The following ANO10 variants were observed in gnomAD, a reference collection of about 807,000 sequenced individuals.
ANO10 encodes the protein anoctamin 10.
Under a neutral mutation model 74.7 loss-of-function variants are expected in ANO10, and 77 were observed. The ratio of observed to expected loss-of-function variants is 1.03; its 90% CI spans 0.86 to 1.25. The LOEUF (loss-of-function observed/expected upper bound fraction) is 1.25. ANO10 is among the 50% of genes most tolerant of loss of function. The pLI, the probability that ANO10 is intolerant of heterozygous loss-of-function variation, is 0.00. For synonymous variants in ANO10, 279 were observed against 284.9 expected, an observed-to-expected ratio of 0.98 and a Z score of 0.21; for missense variants, 721 against 778.1, an observed-to-expected ratio of 0.93 and a Z score of 0.87.
At chr3:43,451,110 A>AG (rs2074847535) in intron 11 of ANO10, among the ~76,000 whole-genome samples, 1 of 152,228 alleles carries the variant, frequency 6.6e-6, no homozygotes, top group Non-Finnish European at 1.5e-5. Flanking sequence ...ACATCCTTGC[A>AG]GGAACAGTTG....
At chr3:43,560,695 T>G (rs2079987940) in intron 9 of ANO10, among the ~76,000 whole-genome samples, 1 of 152,230 alleles carries the variant, frequency 6.6e-6, no homozygotes, top group Non-Finnish European at 1.5e-5. Flanking sequence ...TGTAAATCTC[T>G]AATGATCTGC....
chr3:43,555,211 T>G, intron 10 of ANO10, 67 bp downstream of exon 10: 1 of 1,531,376 alleles, frequency 6.5e-7, no homozygotes, highest in Non-Finnish European at 9.0e-7. Flanking sequence ...TTTTTAATTT[T>G]TTTTCCCTGT....
chr3:43,491,920 GT>G (rs1332559278), intron 11 of ANO10, among the ~76,000 whole-genome samples: 4 of 152,092 alleles, frequency 2.6e-5, no homozygotes, highest in African/African-American at 9.6e-5. Flanking sequence ...AAACATAAAG[GT>G]TGGAAGATGG....
At chr3:43,522,431 T>A (rs1248202807) in intron 11 of ANO10, among the ~76,000 whole-genome samples, 1 of 152,214 alleles carries the variant, frequency 6.6e-6, no homozygotes, top group Non-Finnish European at 1.5e-5. Flanking sequence ...ACCCTGTGAC[T>A]TTCATCATGT....
At chr3:43,529,515 C>T (rs558375229) in intron 11 of ANO10, among the ~76,000 whole-genome samples, 72 of 152,148 alleles carry the variant, frequency 4.7e-4, no homozygotes, top group Non-Finnish European at 8.8e-4. Flanking sequence ...GAACACGTTT[C>T]ATAGAACAAA....
chr3:43,576,674 TA>T lies in ANO10; in HGVS notation c.1162+17del. ...CTTACAGGCAAGTAAGACGTGAATA[TA>T]AAGCCTCAAGTCTTACCCCATGAAG... On this transcript the variant is annotated intron_variant, in intron 6 of 12. Transcript: ENST00000292246. 6.2e-7 allele frequency: 1 copy of T among 1,612,992 alleles called. No homozygotes were observed. Among genetic ancestry groups the T allele is most frequent in the East Asian group, 2.2e-5 (1 of 44,864 alleles).
At chr3:43,600,194 G>A (rs1258157631) in intron 3 of ANO10, among the ~76,000 whole-genome samples, 190 bp downstream of exon 3, 7 of 152,200 alleles carry the variant, frequency 4.6e-5, no homozygotes, top group African/African-American at 1.7e-4. Flanking sequence ...TTTACTTATG[G>A]TCTATGGCTG....
At chr3:43,514,129 C>T (rs1233416334) in intron 11 of ANO10, among the ~76,000 whole-genome samples, 3 of 151,546 alleles carry the variant, frequency 2.0e-5, no homozygotes, top group African/African-American at 4.8e-5. Context: ...CAATATGATA[C>T]ACTTTAATCA....
intron 11 of ANO10, among the ~76,000 whole-genome samples, chr3:43,479,174 C>G (rs1039818930): frequency 3.9e-5 from 6 of 152,134 alleles, no homozygotes; most frequent in African/African-American, 2.4e-5. Context: ...TTCCTTTTCA[C>G]TCGTGCTAAC....
At chr3:43,428,770 C>T (rs2092935229) in intron 12 of ANO10, among the ~76,000 whole-genome samples, 1 of 68,208 alleles carries the variant, frequency 1.5e-5, no homozygotes. Context: ...TCTGAAATAC[C>T]CCAAAATCCT....
At chr3:43,643,233 G>A (rs931848647) in intron 1 of ANO10, among the ~76,000 whole-genome samples, 2 of 151,648 alleles carry the variant, frequency 1.3e-5, no homozygotes, top group East Asian at 1.9e-4. Context: ...GGGTTTCACC[G>A]TGTTAGCCAG....
chr3:43,462,801 G>A (rs781703546), intron 11 of ANO10, among the ~76,000 whole-genome samples: 1 of 152,204 alleles, frequency 6.6e-6, no homozygotes, highest in Non-Finnish European at 1.5e-5. Flanking sequence ...GGGTACCCAT[G>A]CTGAGTGCAG....
In ANO10 at chr3:43,536,756, T is replaced by A. The variant is rs549126669; in HGVS notation, c.1797+12964A>T. Reference sequence around the variant, plus strand: ...AAATTTTAGATTAACTGGTTTTCGGTTGCCTTGTTCTTAATTTTGAAAAAG... The same window carrying A: ...AAATTTTAGATTAACTGGTTTTCGGATGCCTTGTTCTTAATTTTGAAAAAG... On this transcript the variant is annotated intron_variant, in intron 11 of 12. Transcript: ENST00000292246. Among the ~76,000 whole-genome samples the A allele has an allele frequency of 3.3e-5, 5 of 152,280 alleles. No homozygotes were observed. The South Asian group carries it at 1.0e-3, about 32-fold the overall frequency.
intron 1 of ANO10, among the ~76,000 whole-genome samples, chr3:43,615,506 T>C (rs1178409002): frequency 1.3e-5 from 2 of 152,176 alleles, no homozygotes; most frequent in African/African-American, 4.8e-5. Flanking sequence ...ATTTGATTTT[T>C]AATGAGTGGG....
chr3:43,632,317 A>C (rs2149559440), intron 1 of ANO10, among the ~76,000 whole-genome samples: 1 of 152,304 alleles, frequency 6.6e-6, no homozygotes, highest in South Asian at 2.1e-4. Flanking sequence ...TAATGGGAGC[A>C]CTGGCAGGAG....
At chr3:43,448,060 C>T (rs908807608) in intron 11 of ANO10, among the ~76,000 whole-genome samples, 1 of 152,034 alleles carries the variant, frequency 6.6e-6, no homozygotes, top group Admixed American at 6.6e-5. Context: ...GGGATAGTGC[C>T]CAGATAAGAA....
Position 43,600,249 on chromosome 3 carries a change from C to A in ANO10, c.337+135G>T, listed in dbSNP as rs190296660. The A allele has an allele frequency of 1.1e-4, 102 of 965,492 alleles. No individual in the cohort carries two copies. In the African/African-American group the frequency reaches 1.5e-3, roughly 14 times the overall value. The allele number at this position is 965,492 out of a possible 1,614,324, so 59.8% of individuals were successfully genotyped here. On this transcript the variant is annotated intron_variant, in intron 3 of 12. Coordinates refer to ENST00000292246, the MANE Select transcript of ANO10 (RefSeq NM_018075.5). ...CAGTGTTGAGTAATTGCAGCAGAGA[C>A]CACACGGACTGCAAAACCTAAAATA... is the stretch of plus-strand genomic sequence containing the variant.
upstream of ANO10, among the ~76,000 whole-genome samples, chr3:43,624,972 G>T (rs2127723): frequency 0.048 from 7,338 of 152,290 alleles, 198 homozygotes; most frequent in Non-Finnish European, 0.059. Context: ...ACCTATGACT[G>T]CATGTCAAAC....
At chr3:43,551,746 T>C (rs1330505466) in intron 10 of ANO10, among the ~76,000 whole-genome samples, 1 of 152,202 alleles carries the variant, frequency 6.6e-6, no homozygotes, top group Non-Finnish European at 1.5e-5. Flanking sequence ...ACTAATATAG[T>C]CATTCCTTCT....
Sources: gnomAD v4.1 joint callset for allele counts (sites outside exome capture counted in the v4.1 genomes callset) on GRCh38, gnomAD v4.1.1 for gene constraint, MANE v1.5 for transcripts, NCBI Gene and HGNC (gene_info 2026-07-23, HGNC 2026-07-21) for gene names.